Variants in SIPA1L1 observed in about 807,000 individuals in gnomAD.
The protein encoded by SIPA1L1 is signal induced proliferation associated 1 like 1.
In SIPA1L1, 26 loss-of-function variants were observed where a neutral mutation model predicts 162.7. The observed-to-expected ratio is 0.16, with a 90% CI of 0.12 to 0.22. The LOEUF (loss-of-function observed/expected upper bound fraction) is 0.22, where lower values mean the gene tolerates loss of function less well. Ranked by LOEUF, SIPA1L1 falls within the 10% of genes least tolerant of loss-of-function variation. SIPA1L1 has a pLI of 1.00. For synonymous variants in SIPA1L1, 829 were observed against 837.4 expected (o/e 0.99, Z 0.17); for missense variants, 1,874 against 2,241.0 (o/e 0.84, Z 3.31).
At chr14:71,616,341 G>A (rs752866797) in intron 5 of SIPA1L1, among the ~76,000 whole-genome samples, 2 of 152,200 alleles carry the variant, frequency 1.3e-5, no homozygotes, top group Non-Finnish European at 2.9e-5. Context: ...GACCCATGCA[G>A]TGGAAGTCAG....
chr14:71,437,017 G>T (rs1431788033), intron 2 of SIPA1L1, among the ~76,000 whole-genome samples: 1 of 151,886 alleles, frequency 6.6e-6, no homozygotes, highest in East Asian at 1.9e-4. Flanking sequence ...GCCTGCCTTG[G>T]CCTCCCAAAG....
chr14:71,546,376 C>CT (rs11480749), intron 4 of SIPA1L1, among the ~76,000 whole-genome samples: 31,631 of 116,406 alleles, frequency 0.27, 5,758 homozygotes, highest in East Asian at 0.44. Context: ...CTTTTTCTTT[C>CT]TTTTTTTTTT....
chr14:71,723,016 G>A (rs961278597), intron 17 of SIPA1L1, among the ~76,000 whole-genome samples: 1 of 152,232 alleles, frequency 6.6e-6, no homozygotes, highest in Non-Finnish European at 1.5e-5. Flanking sequence ...GATTACAGGC[G>A]TAAGCCACCC....
At chr14:71,559,001 T>C (rs2146518092) in intron 4 of SIPA1L1, among the ~76,000 whole-genome samples, 1 of 152,254 alleles carries the variant, frequency 6.6e-6, no homozygotes, top group East Asian at 1.9e-4. Context: ...AGCATTTTGA[T>C]GCATGCAAAC....
chr14:71,671,251 T>C lies in SIPA1L1; in HGVS notation c.2388T>C (p.His796=). The C allele has an allele frequency of 6.2e-7, 1 of 1,614,168 alleles. No homozygotes were observed. The highest frequency in any genetic ancestry group is 1.1e-5 in the South Asian group (1 of 91,078). Residue 796 remains histidine, a synonymous_variant, in exon 11 of 24, where the codon CAT becomes CAC. Transcript: ENST00000381232. ...AKVINAENAA[H]KSEKFRAMAT... The stretch of plus-strand genomic sequence containing the variant: ...TGATTAATGCAGAAAATGCTGCTCA[T>C]AAATCGGAGAAGTTTCGGGCCATGG...
At chr14:71,353,823 C>G (rs2036955145) in intron 2 of SIPA1L1, among the ~76,000 whole-genome samples, 1 of 151,956 alleles carries the variant, frequency 6.6e-6, no homozygotes, top group Admixed American at 6.6e-5. Context: ...GCCTGAGCAA[C>G]TGGAAAGAGG....
intron 5 of SIPA1L1, among the ~76,000 whole-genome samples, chr14:71,592,110 G>T (rs1427798985): frequency 1.3e-5 from 2 of 152,142 alleles, no homozygotes; most frequent in Non-Finnish European, 2.9e-5. Flanking sequence ...AGTGCCATTG[G>T]GTATTTGTCA....
chr14:71,634,118 C>T (rs1048185267), intron 7 of SIPA1L1, among the ~76,000 whole-genome samples: 7 of 151,102 alleles, frequency 4.6e-5, no homozygotes, highest in Non-Finnish European at 7.4e-5. Context: ...AAGGGAAGAA[C>T]GGCTGGGCAC....
At chr14:71,327,265 G>A (rs1456753608) in intron 2 of SIPA1L1, among the ~76,000 whole-genome samples, 1 of 151,622 alleles carries the variant, frequency 6.6e-6, no homozygotes, top group African/African-American at 2.4e-5. Context: ...TGTATTTTTA[G>A]TAGAGATGGG....
chr14:71,516,811 A>G (rs925210746), intron 3 of SIPA1L1, among the ~76,000 whole-genome samples: 14 of 151,926 alleles, frequency 9.2e-5, no homozygotes, highest in African/African-American at 3.1e-4. Flanking sequence ...CATCTCTACT[A>G]AAAATACAAA....
At position 71,685,359 on chromosome 14, in the gene SIPA1L1, T is replaced by C. The variant is rs777608672; in HGVS notation, c.3105-3T>C. 3 of 1,613,870 alleles carry C rather than the reference T, an allele frequency of 1.9e-6. No homozygotes were observed. Among genetic ancestry groups the C allele is most frequent in the African/African-American group, 1.3e-5 (1 of 75,036 alleles). On this transcript the variant is annotated splice_region_variant and splice_polypyrimidine_tract_variant and intron_variant, in intron 12 of 23. Coordinates refer to ENST00000381232, the MANE Select transcript of SIPA1L1 (RefSeq NM_001386936.1). ...GTTTCTCCCTGTGCCTTGCCCCTAA[T>C]AGGAGTTGCTCTGAAACCTACCGCA...
chr14:71,467,354 A>C (rs532269756), intron 2 of SIPA1L1: 2 of 152,318 alleles, frequency 1.3e-5, no homozygotes, highest in South Asian at 4.1e-4. Flanking sequence ...TCCAAGAAGA[A>C]GCATTCGTCA....
intron 4 of SIPA1L1, among the ~76,000 whole-genome samples, chr14:71,571,632 A>G (rs1026362585): frequency 4.6e-5 from 7 of 150,746 alleles, no homozygotes; most frequent in East Asian, 2.0e-4. Flanking sequence ...TGGATGGTTT[A>G]TTTATTTATT....
intron 2 of SIPA1L1, among the ~76,000 whole-genome samples, chr14:71,479,927 C>T (rs999642369): frequency 1.3e-5 from 2 of 151,840 alleles, no homozygotes; most frequent in African/African-American, 4.8e-5. Flanking sequence ...TTAGTGGAGA[C>T]AAGCCCTTAC....
intron 4 of SIPA1L1, among the ~76,000 whole-genome samples, chr14:71,543,667 C>G (rs1388780822): frequency 6.8e-6 from 1 of 146,606 alleles, no homozygotes; most frequent in East Asian, 1.9e-4. Flanking sequence ...TTTTTATGTG[C>G]TGATTGGCCA....
At chr14:71,421,700 C>T (rs568973096) in intron 2 of SIPA1L1, among the ~76,000 whole-genome samples, 2 of 152,262 alleles carry the variant, frequency 1.3e-5, no homozygotes, top group Admixed American at 6.5e-5. Flanking sequence ...TCCCTCCCTC[C>T]CTTTCTTCCT....
intron 15 of SIPA1L1, 139 bp from the exon 16 acceptor site, chr14:71,705,083 C>CT (rs2082344968): frequency 8.7e-6 from 6 of 689,498 alleles, no homozygotes; most frequent in Non-Finnish European, 1.5e-5. Flanking sequence ...ATCAAATAGA[C>CT]TCTTAACAAG....
chr14:71,580,311 G>C (rs953478541), intron 4 of SIPA1L1, among the ~76,000 whole-genome samples: 5 of 152,188 alleles, frequency 3.3e-5, no homozygotes, highest in African/African-American at 1.2e-4. Context: ...GGAGGACTGT[G>C]AAAAGGACAG....
At chr14:71,384,535 A>G (rs1400761545) in intron 2 of SIPA1L1, among the ~76,000 whole-genome samples, 1 of 152,182 alleles carries the variant, frequency 6.6e-6, no homozygotes, top group African/African-American at 2.4e-5. Context: ...AGAGCCTTTT[A>G]TGGCATAGAG....
Sources: gnomAD v4.1 joint callset for allele counts (sites outside exome capture counted in the v4.1 genomes callset) on GRCh38, gnomAD v4.1.1 for gene constraint, MANE v1.5 for transcripts, NCBI Gene and HGNC (gene_info 2026-07-23, HGNC 2026-07-21) for gene names.